ABCA13: variants seen among roughly 807,000 people sequenced by gnomAD.
ABCA13 encodes the protein ATP binding cassette subfamily A member 13, also known as ATP-binding cassette sub-family A member 13.
In ABCA13, 476 loss-of-function variants were observed where a neutral mutation model predicts 478.7. The ratio of observed to expected loss-of-function variants is 0.99; its 90% CI spans 0.92 to 1.07. ABCA13 has a LOEUF of 1.07. Ranked by LOEUF, ABCA13 falls within the 50% of genes least tolerant of loss-of-function variation. The pLI, the probability that ABCA13 is intolerant of heterozygous loss-of-function variation, is 0.00. For missense variants in ABCA13, 6,060 were observed against 5,910.6 expected (o/e 1.03, Z -0.83); for synonymous variants, 2,252 against 2,158.9 (o/e 1.04, Z -1.20).
chr7:48,424,712 G>C (rs534372957), intron 41 of ABCA13, among the ~76,000 whole-genome samples: 1 of 152,284 alleles, frequency 6.6e-6, no homozygotes, highest in Non-Finnish European at 1.5e-5. Flanking sequence ...CTGGATGTTA[G>C]GGTTACCTGA....
Position 48,502,845 on chromosome 7 carries a change from G to A in ABCA13, c.13292-3491G>A, listed in dbSNP as rs115832313. Among the ~76,000 whole-genome samples the A allele has an allele frequency of 8.3e-3, 1,267 of 152,220 alleles. 14 individuals carry two copies. Among genetic ancestry groups the A allele is most frequent in the African/African-American group, 0.029 (1,188 of 41,522 alleles). On this transcript the variant is annotated intron_variant, in intron 48 of 61. Coordinates refer to ENST00000435803, the MANE Select transcript of ABCA13 (RefSeq NM_152701.5). ...AGCACATGGCTACAGGCTAATTTTT[G>A]TGTATTTCTGGCTACCAACTCTTTC...
At chr7:48,570,420 G>A (rs1218199840) in intron 55 of ABCA13, among the ~76,000 whole-genome samples, 2 of 146,044 alleles carry the variant, frequency 1.4e-5, no homozygotes, top group Non-Finnish European at 3.0e-5. Flanking sequence ...TGCCTCCCAG[G>A]TTTACACCAT....
chr7:48,488,164 A>T (rs1033225102), intron 47 of ABCA13, among the ~76,000 whole-genome samples: 1 of 152,036 alleles, frequency 6.6e-6, no homozygotes, highest in Non-Finnish European at 1.5e-5. Flanking sequence ...TGAGATCTGC[A>T]TTCTGAATTG....
chr7:48,364,758 A>G (rs1269519878), intron 31 of ABCA13, among the ~76,000 whole-genome samples: 1 of 152,122 alleles, frequency 6.6e-6, no homozygotes, highest in Non-Finnish European at 1.5e-5. Flanking sequence ...TGTAATTGCT[A>G]AATAATATTC....
At chr7:48,363,945 AC>A in intron 31 of ABCA13, among the ~76,000 whole-genome samples, 1 of 152,250 alleles carries the variant, frequency 6.6e-6, no homozygotes. Flanking sequence ...AATGAGACCA[AC>A]TTTTTCGCAT....
At chr7:48,616,078 C>CT (rs36061005) in intron 59 of ABCA13, among the ~76,000 whole-genome samples, 63,545 of 151,852 alleles carry the variant, frequency 0.42, 14,183 homozygotes, top group African/African-American at 0.57. Flanking sequence ...ACCTGTCATT[C>CT]TATGTAGAAT....
chr7:48,349,560 A>G (rs948079071), intron 29 of ABCA13, among the ~76,000 whole-genome samples: 2 of 152,034 alleles, frequency 1.3e-5, no homozygotes, highest in African/African-American at 4.8e-5. Flanking sequence ...GAGCCCCAAC[A>G]CCCCTTTCAA....
chr7:48,559,940 A>G (rs180886031), intron 55 of ABCA13, among the ~76,000 whole-genome samples: 1 of 152,292 alleles, frequency 6.6e-6, no homozygotes, highest in East Asian at 1.9e-4. Flanking sequence ...AACAGAAGGA[A>G]GGAGTCACTT....
At chr7:48,584,839 A>G (rs903316129) in intron 56 of ABCA13, among the ~76,000 whole-genome samples, 1 of 152,188 alleles carries the variant, frequency 6.6e-6, no homozygotes, top group Non-Finnish European at 1.5e-5. Context: ...TGGTTTCATT[A>G]AATGTTGATT....
rs201848025 is a variant in ABCA13 at position 48,412,370 on chromosome 7, C to T, written c.12246C>T (p.Ala4082=). 3.2e-5 allele frequency: 51 copies of T among 1,612,662 alleles called. No homozygotes were observed. In the African/African-American group the frequency reaches 6.1e-4, roughly 19 times the overall value. ...TLTRQPSVLE[A]HDLKDMACVT... is the part of the protein sequence containing the mutation. ...ATGGATAGCCTTCTGTTCTGGAGGC[C>T]CATGATCTGAAAGACATGGCTTGTG... Residue 4082 remains alanine, a synonymous_variant, in exon 41 of 62, where the codon GCC becomes GCT. Transcript: ENST00000435803.
Position 48,375,684 on chromosome 7 carries a change from G to GTAT in ABCA13, c.11204-754_11204-752dup, listed in dbSNP as rs374641124. Among the ~76,000 whole-genome samples, 378 of 152,066 alleles carry GTAT rather than the reference G, an allele frequency of 2.5e-3. 1 individual carries two copies. Among genetic ancestry groups the GTAT allele is most frequent in the African/African-American group, 8.7e-3 (361 of 41,474 alleles). ...GTAAAATTTGACTCTAGCTATTGTT[G>GTAT]TATTAGCCAGTTAATTTGTACTGGT... On this transcript the variant is annotated intron_variant, in intron 34 of 61. Coordinates refer to ENST00000435803, the MANE Select transcript of ABCA13 (RefSeq NM_152701.5).
chr7:48,412,375 A>T lies in ABCA13; in HGVS notation c.12251A>T (p.Asp4084Val), dbSNP rs74448198. The T allele has an allele frequency of 1.7e-3, 2,763 of 1,613,000 alleles. 46 individuals carry two copies. In the African/African-American group the frequency reaches 0.033, roughly 19 times the overall value. Residue 4084 changes from aspartate to valine, a missense_variant, in exon 41 of 62, where the codon GAT becomes GTT. Physicochemically the swap from Asp to Val is radical, Grantham distance 152. Transcript: ENST00000435803. The part of the protein sequence containing the change: ...TRQPSVLEAH[D>V]LKDMACVTSL... ...TAGCCTTCTGTTCTGGAGGCCCATGATCTGAAAGACATGGCTTGTGTTACA... is the reference window on the plus strand; with the variant it reads ...TAGCCTTCTGTTCTGGAGGCCCATGTTCTGAAAGACATGGCTTGTGTTACA...
At chr7:48,435,582 T>C (rs2129151815) in intron 42 of ABCA13, among the ~76,000 whole-genome samples, 1 of 151,956 alleles carries the variant, frequency 6.6e-6, no homozygotes, top group African/African-American at 2.4e-5. Flanking sequence ...TGAGCATCTT[T>C]GTCATATTCC....
At chr7:48,321,908 A>G (rs996355866) in intron 27 of ABCA13, among the ~76,000 whole-genome samples, 4 of 152,170 alleles carry the variant, frequency 2.6e-5, no homozygotes, top group African/African-American at 7.2e-5. Context: ...TGGGCCCTCC[A>G]CCCCTGACTG....
rs754196404 is a variant in ABCA13 at position 48,239,348 on chromosome 7, G to A, written c.1005G>A (p.Trp335Ter). ...WGHVGGCHPK[W>*]SEAKNYLVHA... ...ACGTTGGAGGCTGCCACCCTAAGTG[G>A]TCAGAAGCCAAAAACTATCTTGTCC... is the stretch of plus-strand genomic sequence containing the variant. Residue 335 changes from tryptophan to a stop codon, truncating the protein, a stop_gained, in exon 9 of 62, where the codon TGG (tryptophan) becomes TGA (stop). Coordinates refer to ENST00000435803, the MANE Select transcript of ABCA13 (RefSeq NM_152701.5). LOFTEE classifies it high-confidence loss of function. 1 of 1,613,896 alleles carries A rather than the reference G, an allele frequency of 6.2e-7. No individual in the cohort carries two copies. Among genetic ancestry groups the A allele is most frequent in the Non-Finnish European group, 8.5e-7 (1 of 1,179,832 alleles).
At chr7:48,181,848 T>C (rs1316636185) in intron 1 of ABCA13, among the ~76,000 whole-genome samples, 1 of 152,222 alleles carries the variant, frequency 6.6e-6, no homozygotes, top group Non-Finnish European at 1.5e-5. Context: ...TACTTACCAA[T>C]TATATTTTAG....
intron 47 of ABCA13, among the ~76,000 whole-genome samples, chr7:48,486,290 T>C (rs1179645402): frequency 6.6e-6 from 1 of 152,192 alleles, no homozygotes; most frequent in Admixed American, 6.5e-5. Context: ...AATTGCACCC[T>C]TGACTTGATC....
intron 11 of ABCA13, among the ~76,000 whole-genome samples, chr7:48,245,077 A>G (rs1791463457): frequency 1.3e-5 from 2 of 152,100 alleles, no homozygotes; most frequent in African/African-American, 4.8e-5. Context: ...TGTTCCTTCT[A>G]CTGCCTCCTC....
intron 59 of ABCA13, among the ~76,000 whole-genome samples, chr7:48,620,169 C>T (rs548228804): frequency 2.8e-5 from 4 of 142,186 alleles, no homozygotes; most frequent in South Asian, 4.5e-4. Context: ...GAGGAAATAG[C>T]GAAATATCTT....
Sources: allele counts gnomAD v4.1 joint callset (sites outside exome capture counted in the v4.1 genomes callset), GRCh38; gene constraint gnomAD v4.1.1; transcripts MANE v1.5; gene names NCBI Gene and HGNC (gene_info 2026-07-23, HGNC 2026-07-21).